Variants in ABCC11 observed in about 807,000 individuals in gnomAD.
The protein encoded by ABCC11 is ATP-binding cassette sub-family C member 11.
A neutral mutation model predicts 149.3 loss-of-function variants in ABCC11; 135 were observed. The ratio of observed to expected loss-of-function variants is 0.90; its 90% CI spans 0.79 to 1.04. The LOEUF (loss-of-function observed/expected upper bound fraction) is 1.04, where lower values mean the gene tolerates loss of function less well. Among genes scored for constraint, ABCC11 ranks in the 50% least tolerant of loss-of-function variants. The pLI is 0.00. For missense variants in ABCC11, 1,680 were observed against 1,722.1 expected (o/e 0.98, Z 0.43); for synonymous variants, 665 against 671.4 (o/e 0.99, Z 0.15).
At chr16:48,177,788 GAGCCCTACAA>G in intron 24 of ABCC11, among the ~76,000 whole-genome samples, 1 of 152,326 alleles carries the variant, frequency 6.6e-6, no homozygotes, top group South Asian at 2.1e-4. Context: ...CAGGAAATCA[GAGCCCTACAA>G]TTCATAAATT....
At chr16:48,230,646 C>G (rs1197863829) in intron 2 of ABCC11, 73 bp from the exon 3 acceptor site, 4 of 1,391,168 alleles carry the variant, frequency 2.9e-6, no homozygotes, top group Non-Finnish European at 3.8e-6. Flanking sequence ...GTTGGACCAG[C>G]TGCCCATGGA....
chr16:48,184,924 C>T (rs1374193141), intron 22 of ABCC11, among the ~76,000 whole-genome samples: 4 of 152,198 alleles, frequency 2.6e-5, no homozygotes, highest in African/African-American at 7.2e-5. Flanking sequence ...CCCAAATTGG[C>T]CACAGAGAGT....
At chr16:48,178,927 C>A (rs142293542) in intron 23 of ABCC11, among the ~76,000 whole-genome samples, 1 of 152,170 alleles carries the variant, frequency 6.6e-6, no homozygotes, top group African/African-American at 2.4e-5. Flanking sequence ...ACCTCGAGTG[C>A]CCTCTGTATG....
In ABCC11 at chr16:48,192,512, G is replaced by A. The variant is rs767157292; in HGVS notation, c.2706+8C>T. 7 of 1,614,024 alleles carry A rather than the reference G, an allele frequency of 4.3e-6. No homozygotes were observed. The highest frequency in any genetic ancestry group is 5.9e-6 in the Non-Finnish European group (7 of 1,179,912). Reference sequence around the variant, plus strand: ...GCCTTCGGCCCCACCCAGCACCCAGGCCCATACCTTGTTGAAGAGCTTGTT... The same window carrying A: ...GCCTTCGGCCCCACCCAGCACCCAGACCCATACCTTGTTGAAGAGCTTGTT... On this transcript the variant is annotated splice_region_variant and intron_variant, in intron 20 of 29. Coordinates refer to ENST00000356608, the MANE Select transcript of ABCC11 (RefSeq NM_001370497.1).
At position 48,170,187 on chromosome 16, in the gene ABCC11, T is replaced by C; in HGVS notation, c.3809A>G (p.Asp1270Gly). 6.2e-7 allele frequency: 1 copy of C among 1,614,078 alleles called. No homozygotes were observed. The highest frequency in any genetic ancestry group is 8.5e-7 in the Non-Finnish European group (1 of 1,179,946). ...GAAGTTTCCACCGTTTTCCACCACA[T>C]CTGTATGCAGCTTTTTGGGGAACTT... ...ISKFPKKLHT[D>G]VVENGGNFSV... The change falls in exon 28 of 30, where the codon GAT becomes GGT. Residue 1270 changes from aspartate (D) to glycine (G), a missense_variant. Coordinates refer to ENST00000356608, the MANE Select transcript of ABCC11 (RefSeq NM_001370497.1).
chr16:48,199,238 T>C (rs1263703247), intron 15 of ABCC11, among the ~76,000 whole-genome samples: 1 of 151,888 alleles, frequency 6.6e-6, no homozygotes, highest in African/African-American at 2.4e-5. Context: ...TATGAAGACA[T>C]GCATGGAAAC....
intron 1 of ABCC11, among the ~76,000 whole-genome samples, chr16:48,245,517 C>T (rs1219391714): frequency 1.3e-5 from 2 of 152,128 alleles, no homozygotes; most frequent in African/African-American, 4.8e-5. Flanking sequence ...GCATGTGGCT[C>T]GTCAAATTGA....
rs752293921 is a variant in ABCC11, at chr16:48,166,995, C to T, written c.*279G>A. 4.3e-5 allele frequency: 18 copies of T among 420,610 alleles called. No homozygotes were observed. Among genetic ancestry groups the T allele is most frequent in the Non-Finnish European group, 6.5e-5 (15 of 231,944 alleles). 26.1% of individuals were successfully genotyped at this position (420,610 alleles called of 1,614,324 possible). On this transcript the variant is annotated 3_prime_UTR_variant, in exon 30 of 30. Transcript: ENST00000356608. Reference sequence around the variant, plus strand: ...CAGATCAGAAAACTATAAGCTTTTACCTTATTATAAAATTATTCAGCATGT... The same window carrying T: ...CAGATCAGAAAACTATAAGCTTTTATCTTATTATAAAATTATTCAGCATGT...
intron 1 of ABCC11, among the ~76,000 whole-genome samples, chr16:48,236,047 A>C (rs1423913179): frequency 1.3e-5 from 2 of 152,216 alleles, no homozygotes; most frequent in Non-Finnish European, 2.9e-5. Flanking sequence ...AGCACCTGCC[A>C]GCTGGGCCCT....
intron 16 of ABCC11, 29 bp downstream of exon 16, chr16:48,198,112 G>T: frequency 6.2e-7 from 1 of 1,614,184 alleles, no homozygotes; most frequent in South Asian, 1.1e-5. Flanking sequence ...GTCCACCGTG[G>T]GTAGTGAGGG....
At chr16:48,199,039 A>AAT (rs1392190206) in intron 15 of ABCC11, among the ~76,000 whole-genome samples, 12 of 146,244 alleles carry the variant, frequency 8.2e-5, no homozygotes, top group East Asian at 6.0e-4. Context: ...GTCTCAAAAA[A>AAT]ATATATATAT....
intron 15 of ABCC11, among the ~76,000 whole-genome samples, chr16:48,198,622 G>T (rs1300605629): frequency 1.3e-5 from 2 of 151,430 alleles, no homozygotes; most frequent in African/African-American, 4.9e-5. Context: ...CACGTAGAAG[G>T]ATATACACTG....
At chr16:48,180,738 C>G (rs148883140) in intron 23 of ABCC11, among the ~76,000 whole-genome samples, 9 of 152,162 alleles carry the variant, frequency 5.9e-5, no homozygotes, top group Non-Finnish European at 1.3e-4. Context: ...GTTTGGTAGA[C>G]AGGAGACAGA....
At chr16:48,231,732 T>C (rs1970433213) in intron 2 of ABCC11, 91 bp downstream of exon 2, 1 of 1,519,850 alleles carries the variant, frequency 6.6e-7, no homozygotes, top group Non-Finnish European at 8.8e-7. Flanking sequence ...TAAATAAGTA[T>C]GGGAAGAAAT....
At chr16:48,246,463 A>T (rs1245748325) in intron 1 of ABCC11, among the ~76,000 whole-genome samples, 5 of 152,250 alleles carry the variant, frequency 3.3e-5, no homozygotes, top group Non-Finnish European at 7.3e-5. Flanking sequence ...ATATGTATTG[A>T]TTAGCCATGG....
intron 14 of ABCC11, 38 bp from the exon 15 acceptor site, chr16:48,200,517 C>A: frequency 6.3e-7 from 1 of 1,599,610 alleles, no homozygotes; most frequent in Non-Finnish European, 8.5e-7. Flanking sequence ...GTCCAGACAG[C>A]AAGCACAGCC....
chr16:48,215,970 G>A, intron 7 of ABCC11, 144 bp downstream of exon 7: 1 of 867,922 alleles, frequency 1.2e-6, no homozygotes, highest in South Asian at 1.6e-5. Flanking sequence ...AGAATAGTTT[G>A]AAGTAGGGAG....
At chr16:48,217,926 A>G (rs534663616) in intron 6 of ABCC11, among the ~76,000 whole-genome samples, 1 of 152,304 alleles carries the variant, frequency 6.6e-6, no homozygotes, top group African/African-American at 2.4e-5. Context: ...AAGCACATAC[A>G]AGGATGTTCA....
chr16:48,175,232 A>T, intron 26 of ABCC11, 26 bp downstream of exon 26: 1 of 1,590,086 alleles, frequency 6.3e-7, no homozygotes, highest in Non-Finnish European at 8.6e-7. Flanking sequence ...CACCTCCTGC[A>T]GGCTGCCTGC....
Sources: allele counts gnomAD v4.1 joint callset (sites outside exome capture counted in the v4.1 genomes callset), GRCh38; gene constraint gnomAD v4.1.1; transcripts MANE v1.5; gene names NCBI Gene and HGNC (gene_info 2026-07-23, HGNC 2026-07-21).